Variants in ITGAV observed in about 807,000 individuals in gnomAD.
ITGAV encodes integrin subunit alpha V, also known as integrin alpha-V.
ITGAV carries 76 observed loss-of-function variants against 143.8 expected under a neutral mutation model. That is an observed-to-expected ratio of 0.53 (90% CI 0.44 to 0.64). The LOEUF is 0.64. Among genes scored for constraint, ITGAV ranks in the 30% least tolerant of loss-of-function variants. The probability of loss-of-function intolerance (pLI) is 0.00; values close to 1 mark genes in which losing one functional copy is unlikely to be tolerated. For missense variants in ITGAV, 1,193 were observed against 1,274.7 expected, an observed-to-expected ratio of 0.94 and a Z score of 0.98; for synonymous variants, 453 against 446.7, an observed-to-expected ratio of 1.01 and a Z score of -0.18.
chr2:186,599,222 C>G (rs1331025418), intron 1 of ITGAV, among the ~76,000 whole-genome samples: 1 of 152,144 alleles, frequency 6.6e-6, no homozygotes, highest in Non-Finnish European at 1.5e-5. Context: ...TTATTTCCTC[C>G]TATATTTCAA....
intron 4 of ITGAV, among the ~76,000 whole-genome samples, chr2:186,627,776 A>G (rs567872495): frequency 6.6e-6 from 1 of 152,298 alleles, no homozygotes; most frequent in Non-Finnish European, 1.5e-5. Context: ...GGCTTTTTAC[A>G]GAAAAAGTTT....
chr2:186,671,271 A>G (rs1264282592), intron 26 of ITGAV, among the ~76,000 whole-genome samples: 1 of 152,078 alleles, frequency 6.6e-6, no homozygotes, highest in Non-Finnish European at 1.5e-5. Flanking sequence ...AAGAGGCTAC[A>G]ATGACCTTTA....
chr2:186,611,723 C>T (rs1274632479), intron 2 of ITGAV, among the ~76,000 whole-genome samples: 1 of 152,096 alleles, frequency 6.6e-6, no homozygotes, highest in Non-Finnish European at 1.5e-5. Context: ...CCCCATCTGT[C>T]AAATAAGCAT....
chr2:186,664,786 A>G, intron 20 of ITGAV, 145 bp downstream of exon 20: 1 of 996,046 alleles, frequency 1.0e-6, no homozygotes, highest in Non-Finnish European at 1.5e-6. Flanking sequence ...ATCTTACATA[A>G]TTCCTTTTAA....
intron 13 of ITGAV, 25 bp downstream of exon 13, chr2:186,646,902 C>T: frequency 6.7e-7 from 1 of 1,487,272 alleles, no homozygotes; most frequent in East Asian, 2.3e-5. Flanking sequence ...ACACATAGAG[C>T]CCTTAGATTT....
At chr2:186,671,026 T>G (rs1033979388) in intron 26 of ITGAV, among the ~76,000 whole-genome samples, 1 of 152,184 alleles carries the variant, frequency 6.6e-6, no homozygotes, top group Non-Finnish European at 1.5e-5. Context: ...TGCATCAGTA[T>G]TTTCTTTCAA....
intron 1 of ITGAV, among the ~76,000 whole-genome samples, chr2:186,598,026 G>A (rs1314410689): frequency 2.0e-5 from 3 of 152,094 alleles, no homozygotes; most frequent in African/African-American, 7.2e-5. Flanking sequence ...TCCTGATGTA[G>A]AACCTGGTAT....
At chr2:186,656,460 A>G in intron 17 of ITGAV, 59 bp downstream of exon 17, 1 of 1,234,672 alleles carries the variant, frequency 8.1e-7, no homozygotes, top group South Asian at 1.9e-5. Flanking sequence ...TTTTTTATCT[A>G]AATGATTTTC....
At chr2:186,638,539 T>A in intron 10 of ITGAV, 74 bp downstream of exon 10, 4 of 1,077,954 alleles carry the variant, frequency 3.7e-6, no homozygotes, top group Non-Finnish European at 4.2e-6. Context: ...ATTTGCGAAA[T>A]AAAACTGTAA....
chr2:186,656,344 C>T lies in ITGAV; in HGVS notation c.1662C>T (p.Asn554=). ...LYSRSPSHSK[N]MTISRGGLMQ... is the part of the protein sequence containing the mutation. The stretch of plus-strand genomic sequence containing the variant: ...GCAGGTCCCCAAGTCACTCCAAGAA[C>T]ATGACTATTTCAAGGGGGGGACTGA... The change falls in exon 17 of 30, where the codon AAC becomes AAT. Residue 554 remains asparagine, a synonymous_variant. Coordinates refer to ENST00000261023, the MANE Select transcript of ITGAV (RefSeq NM_002210.5). 6.4e-7 allele frequency: 1 copy of T among 1,564,712 alleles called. No homozygotes were observed.
chr2:186,661,712 T>C (rs1329102763), intron 18 of ITGAV, among the ~76,000 whole-genome samples: 1 of 151,546 alleles, frequency 6.6e-6, no homozygotes, highest in Admixed American at 6.6e-5. Flanking sequence ...TTACCCTGCC[T>C]CAGCCTCCTG....
intron 17 of ITGAV, among the ~76,000 whole-genome samples, chr2:186,657,367 GA>G (rs1464376713): frequency 6.6e-6 from 1 of 152,106 alleles, no homozygotes. Context: ...GGCCATAAAG[GA>G]AGTCTAAACA....
intron 1 of ITGAV, among the ~76,000 whole-genome samples, chr2:186,597,547 A>G (rs1020441555): frequency 6.6e-6 from 1 of 152,228 alleles, no homozygotes; most frequent in African/African-American, 2.4e-5. Context: ...AGAGTACCCT[A>G]CATTCAAAGA....
chr2:186,606,588 T>G (rs186521316), intron 2 of ITGAV, among the ~76,000 whole-genome samples: 74 of 152,302 alleles, frequency 4.9e-4, no homozygotes, highest in African/African-American at 1.7e-3. Flanking sequence ...TCTGTATCCC[T>G]GCTACATTCT....
intron 17 of ITGAV, among the ~76,000 whole-genome samples, chr2:186,657,013 CACACACACACAG>C (rs1191641804): frequency 2.0e-4 from 29 of 142,892 alleles, no homozygotes; most frequent in East Asian, 1.8e-3. Context: ...CACACACACA[CACACACACACAG>C]AAGCCACTAG....
At chr2:186,612,864 C>T (rs1460843892) in intron 2 of ITGAV, among the ~76,000 whole-genome samples, 1 of 152,026 alleles carries the variant, frequency 6.6e-6, no homozygotes, top group Non-Finnish European at 1.5e-5. Context: ...CTTGTTAATA[C>T]AAAACAAATT....
chr2:186,641,300 G>A (rs1688095704), intron 11 of ITGAV, 86 bp from the exon 12 acceptor site: 13 of 1,026,976 alleles, frequency 1.3e-5, no homozygotes, highest in Non-Finnish European at 1.8e-5. Context: ...TGCAGAAAGA[G>A]GAAAAGTGAG....
At chr2:186,608,903 A>G (rs1418349714) in intron 2 of ITGAV, among the ~76,000 whole-genome samples, 2 of 152,236 alleles carry the variant, frequency 1.3e-5, no homozygotes, top group African/African-American at 2.4e-5. Context: ...CAAAAGAACA[A>G]CCAGTGGATT....
intron 3 of ITGAV, among the ~76,000 whole-genome samples, chr2:186,622,824 G>A (rs548294723): frequency 1.3e-5 from 2 of 152,018 alleles, no homozygotes; most frequent in African/African-American, 4.8e-5. Context: ...GTGCAGTGGT[G>A]CGATCTCGGC....
Sources: gnomAD v4.1 joint callset for allele counts (sites outside exome capture counted in the v4.1 genomes callset) on GRCh38, gnomAD v4.1.1 for gene constraint, MANE v1.5 for transcripts, NCBI Gene and HGNC (gene_info 2026-07-23, HGNC 2026-07-21) for gene names.